Variants in STK32B observed in about 807,000 individuals in gnomAD.
STK32B encodes the protein serine/threonine-protein kinase 32B.
Under a neutral mutation model 52.6 loss-of-function variants are expected in STK32B, and 43 were observed. That is an observed-to-expected ratio of 0.82 (90% CI 0.64 to 1.05). STK32B has a LOEUF of 1.05. Among genes scored for constraint, STK32B ranks in the 50% least tolerant of loss-of-function variants. STK32B has a pLI of 0.00. For synonymous variants in STK32B, 238 were observed against 204.3 expected (o/e 1.17, Z -1.41); for missense variants, 621 against 534.6 (o/e 1.16, Z -1.59).
At chr4:5,371,985 C>T (rs900295770) in intron 4 of STK32B, among the ~76,000 whole-genome samples, 1 of 152,128 alleles carries the variant, frequency 6.6e-6, no homozygotes, top group Non-Finnish European at 1.5e-5. Context: ...CTTCTGGGCA[C>T]AAGCCACTTC....
intron 5 of STK32B, among the ~76,000 whole-genome samples, chr4:5,401,947 C>T (rs376584411): frequency 1.3e-5 from 2 of 152,186 alleles, no homozygotes; most frequent in African/African-American, 4.8e-5. Flanking sequence ...TTGGCTAAAC[C>T]CACTCCAATG....
intron 3 of STK32B, among the ~76,000 whole-genome samples, chr4:5,245,196 T>G (rs898988596): frequency 3.9e-5 from 6 of 152,196 alleles, no homozygotes; most frequent in African/African-American, 1.4e-4. Flanking sequence ...TCTCCCATTA[T>G]TATTGTGTTG....
intron 1 of STK32B, among the ~76,000 whole-genome samples, chr4:5,094,283 A>C (rs1294165929): frequency 2.0e-5 from 3 of 152,228 alleles, no homozygotes; most frequent in Non-Finnish European, 4.4e-5. Context: ...AAAGAGGTTT[A>C]ACTTTAAAAA....
chr4:5,257,474 T>TC (rs1452759413), intron 3 of STK32B, among the ~76,000 whole-genome samples: 1 of 152,184 alleles, frequency 6.6e-6, no homozygotes, highest in Non-Finnish European at 1.5e-5. Flanking sequence ...TGGTAGCTCC[T>TC]CCCCACTCCA....
intron 3 of STK32B, among the ~76,000 whole-genome samples, chr4:5,244,951 A>T (rs191423064): frequency 7.6e-4 from 115 of 152,308 alleles, no homozygotes; most frequent in African/African-American, 2.7e-3. Context: ...ACAGTTTGTT[A>T]TAATTTCTGT....
chr4:5,345,350 A>T (rs1414582425), intron 4 of STK32B: 4 of 150,470 alleles, frequency 2.7e-5, no homozygotes, highest in Non-Finnish European at 5.9e-5. Flanking sequence ...TTTAAAGCAG[A>T]TGCTTCAAAC....
At chr4:5,391,724 C>T (rs1342617778) in intron 4 of STK32B, among the ~76,000 whole-genome samples, 1 of 152,246 alleles carries the variant, frequency 6.6e-6, no homozygotes, top group Non-Finnish European at 1.5e-5. Context: ...TCAGTGCTTT[C>T]TAAACACTTG....
At chr4:5,205,437 C>G (rs1722489474) in intron 3 of STK32B, among the ~76,000 whole-genome samples, 1 of 152,306 alleles carries the variant, frequency 6.6e-6, no homozygotes, top group East Asian at 1.9e-4. Context: ...CCCTCATTCT[C>G]TCCAAAGACA....
intron 3 of STK32B, among the ~76,000 whole-genome samples, chr4:5,271,354 G>C (rs1727417444): frequency 6.6e-6 from 1 of 152,080 alleles, no homozygotes; most frequent in South Asian, 2.1e-4. Context: ...CTGAAAGAAG[G>C]CTTAAATAAA....
the STK32B span, among the ~76,000 whole-genome samples, chr4:5,034,772 G>C: frequency 6.6e-6 from 1 of 152,180 alleles, no homozygotes; most frequent in East Asian, 1.9e-4. Flanking sequence ...AGGTAGGCTG[G>C]AGGGGCATCC....
At chr4:5,098,146 A>G (rs1348939937) in intron 1 of STK32B, among the ~76,000 whole-genome samples, 3 of 152,270 alleles carry the variant, frequency 2.0e-5, no homozygotes, top group East Asian at 3.8e-4. Flanking sequence ...AATGCAAGTA[A>G]TGCAGAAATA....
intron 2 of STK32B, among the ~76,000 whole-genome samples, chr4:5,159,580 T>A (rs1320610256): frequency 3.2e-5 from 4 of 123,654 alleles, no homozygotes; most frequent in African/African-American, 1.1e-4. Context: ...TATATGAATA[T>A]ATATATGAAT....
rs765526007 is a variant in STK32B at position 5,416,948 on chromosome 4, G to A, written c.562+14G>A. ...AGCCCTACATGGGTGAGTGTTCCAG[G>A]CCCCTTCTTTTCATGTGATCGGGCT... is the stretch of plus-strand genomic sequence containing the variant. On this transcript the variant is annotated intron_variant, in intron 6 of 11. Coordinates refer to ENST00000282908, the MANE Select transcript of STK32B (RefSeq NM_018401.3). 6 of 1,606,000 alleles carry A rather than the reference G, an allele frequency of 3.7e-6. No individual in the cohort carries two copies. Among genetic ancestry groups the A allele is most frequent in the Non-Finnish European group, 5.1e-6 (6 of 1,176,134 alleles).
chr4:5,195,186 G>C (rs142013518), intron 3 of STK32B, among the ~76,000 whole-genome samples: 2 of 152,070 alleles, frequency 1.3e-5, no homozygotes, highest in Non-Finnish European at 2.9e-5. Flanking sequence ...GCAGTCCTCC[G>C]GCCTCAGACT....
intron 4 of STK32B, among the ~76,000 whole-genome samples, chr4:5,369,487 C>T (rs969296214): frequency 1.3e-5 from 2 of 152,048 alleles, no homozygotes; most frequent in Non-Finnish European, 1.5e-5. Context: ...AACCATGCAG[C>T]CAGGGGACAG....
At position 5,396,985 on chromosome 4, in the gene STK32B, A is replaced by G. The variant is rs16837127; in HGVS notation, c.435-1222A>G. Among the ~76,000 whole-genome samples, 3,954 of 152,216 alleles carry G rather than the reference A, an allele frequency of 0.026. 117 individuals are homozygous for G. Among genetic ancestry groups the G allele is most frequent in the East Asian group, 0.082 (424 of 5,158 alleles). ...TCGGCAGCAGGGGCCCACGTACTCA[A>G]TGCTCCTCGGTACTCATGGGTTTGA... is the stretch of plus-strand genomic sequence containing the variant. On this transcript the variant is annotated intron_variant, in intron 4 of 11. Transcript: ENST00000282908. The surrounding 1 kb of genome is among the most constrained non-coding windows in gnomAD (Gnocchi z 4.7).
chr4:5,274,837 A>C (rs1412463520), intron 3 of STK32B, among the ~76,000 whole-genome samples: 1 of 152,094 alleles, frequency 6.6e-6, no homozygotes, highest in African/African-American at 2.4e-5. Context: ...CCCGCCGCTG[A>C]CTTTCATCCC....
intron 2 of STK32B, among the ~76,000 whole-genome samples, chr4:5,154,720 C>T (rs1717653263): frequency 1.3e-5 from 2 of 152,184 alleles, no homozygotes; most frequent in African/African-American, 4.8e-5. Context: ...GCTGATCTGC[C>T]TTCTCCATGT....
At chr4:5,454,617 C>T (rs1295032991) in intron 7 of STK32B, among the ~76,000 whole-genome samples, 1 of 152,036 alleles carries the variant, frequency 6.6e-6, no homozygotes, top group Non-Finnish European at 1.5e-5. Flanking sequence ...CACAATTTCC[C>T]CTGTAGCAGC....
Sources: gnomAD v4.1 joint callset for allele counts (sites outside exome capture counted in the v4.1 genomes callset) on GRCh38, gnomAD v4.1.1 for gene constraint, Gnocchi (gnomAD v3.1) non-coding constraint, MANE v1.5 for transcripts, NCBI Gene and HGNC (gene_info 2026-07-23, HGNC 2026-07-21) for gene names.